ME3: variants seen among roughly 807,000 people sequenced by gnomAD.
The protein encoded by ME3 is NADP-dependent malic enzyme, mitochondrial.
Under a neutral mutation model 68.9 loss-of-function variants are expected in ME3, and 48 were observed. The ratio of observed to expected loss-of-function variants is 0.70; its 90% CI spans 0.55 to 0.89. The LOEUF (loss-of-function observed/expected upper bound fraction) is 0.89. Among genes scored for constraint, ME3 ranks in the 40% least tolerant of loss-of-function variants. ME3 has a pLI of 0.00. For synonymous variants in ME3, 320 were observed against 318.8 expected, an observed-to-expected ratio of 1.00 and a Z score of -0.04; for missense variants, 675 against 797.4, an observed-to-expected ratio of 0.85 and a Z score of 1.85.
At chr11:86,562,680 G>A (rs1318825587) in intron 2 of ME3, among the ~76,000 whole-genome samples, 1 of 151,854 alleles carries the variant, frequency 6.6e-6, no homozygotes. Flanking sequence ...TTAAATTTCA[G>A]CCTTTATTTT....
chr11:86,649,367 G>A (rs192538802), intron 2 of ME3, among the ~76,000 whole-genome samples: 60 of 152,190 alleles, frequency 3.9e-4, no homozygotes, highest in African/African-American at 1.2e-3. Context: ...ATACTGAATG[G>A]GCACAAGCTG....
intron 13 of ME3, among the ~76,000 whole-genome samples, chr11:86,443,191 G>A (rs1164609973): frequency 6.6e-6 from 1 of 152,192 alleles, no homozygotes; most frequent in Admixed American, 6.5e-5. Flanking sequence ...ATAAATCTGT[G>A]GCCTGCAAAG....
intron 2 of ME3, among the ~76,000 whole-genome samples, chr11:86,609,604 C>A (rs1942414329): frequency 6.6e-6 from 1 of 152,146 alleles, no homozygotes; most frequent in South Asian, 2.1e-4. Flanking sequence ...CCTAACCAAA[C>A]CCTAGTATAC....
At chr11:86,566,989 G>A (rs1957514377) in intron 2 of ME3, among the ~76,000 whole-genome samples, 2 of 151,902 alleles carry the variant, frequency 1.3e-5, no homozygotes, top group Admixed American at 6.6e-5. Context: ...AGGCTGAGGC[G>A]GGTGGATCAC....
intron 2 of ME3, among the ~76,000 whole-genome samples, chr11:86,658,867 T>C (rs1449747416): frequency 6.6e-6 from 1 of 152,208 alleles, no homozygotes; most frequent in Admixed American, 6.5e-5. Flanking sequence ...AGTCTGTTTC[T>C]AAAAATGGCT....
chr11:86,455,534 A>G (rs1180369179), intron 8 of ME3, among the ~76,000 whole-genome samples: 1 of 152,224 alleles, frequency 6.6e-6, no homozygotes, highest in Non-Finnish European at 1.5e-5. Flanking sequence ...GTATGTTATC[A>G]GTATCAACCT....
intron 2 of ME3, among the ~76,000 whole-genome samples, chr11:86,572,985 G>A (rs780537685): frequency 4.2e-4 from 64 of 152,326 alleles, no homozygotes; most frequent in Non-Finnish European, 4.6e-4. Context: ...ACTGGCATGA[G>A]ATGATATCTC....
chr11:86,641,284 A>G (rs903817228), intron 2 of ME3, among the ~76,000 whole-genome samples: 3 of 152,230 alleles, frequency 2.0e-5, no homozygotes, highest in African/African-American at 7.2e-5. Flanking sequence ...TTATACATCA[A>G]AAATCAAAGG....
chr11:86,653,071 A>G (rs2135444458), intron 2 of ME3, among the ~76,000 whole-genome samples: 1 of 152,344 alleles, frequency 6.6e-6, no homozygotes, highest in Middle Eastern at 3.4e-3. Flanking sequence ...TGCACCCAAT[A>G]CAGGAGCACC....
chr11:86,602,769 A>G (rs1445488031), intron 2 of ME3, among the ~76,000 whole-genome samples: 6 of 152,238 alleles, frequency 3.9e-5, no homozygotes, highest in Non-Finnish European at 8.8e-5. Context: ...CCAATGGAAC[A>G]GAACAGAGCA....
At chr11:86,488,259 C>A (rs531140588) in intron 6 of ME3, among the ~76,000 whole-genome samples, 1 of 152,290 alleles carries the variant, frequency 6.6e-6, no homozygotes, top group East Asian at 1.9e-4. Context: ...CGGTTGAGAA[C>A]CACTGTAGCT....
chr11:86,616,714 G>C (rs1942980686), intron 2 of ME3, among the ~76,000 whole-genome samples: 1 of 152,146 alleles, frequency 6.6e-6, no homozygotes, highest in Non-Finnish European at 1.5e-5. Context: ...GTGCCCTTTA[G>C]GACTGTCAAG....
intron 2 of ME3, among the ~76,000 whole-genome samples, chr11:86,647,262 G>A (rs1945079307): frequency 6.6e-6 from 1 of 152,098 alleles, no homozygotes; most frequent in African/African-American, 2.4e-5. Flanking sequence ...CTGGCAAATT[G>A]GATAAAGAAT....
intron 2 of ME3, among the ~76,000 whole-genome samples, chr11:86,649,779 A>G (rs1945278175): frequency 6.6e-6 from 1 of 152,326 alleles, no homozygotes; most frequent in Admixed American, 6.5e-5. Context: ...TTCAAGGAGA[A>G]CTACAAACCA....
At chr11:86,556,662 G>A in exon 4 of ME3, 4 of 1,614,156 alleles carry the variant, frequency 2.5e-6, no homozygotes, top group Non-Finnish European at 3.4e-6. Flanking sequence ...CGGTAGAAGA[G>A]CTTCTCGTTC....
chr11:86,459,916 A>T (rs530030442), intron 8 of ME3, among the ~76,000 whole-genome samples: 1 of 152,240 alleles, frequency 6.6e-6, no homozygotes, highest in African/African-American at 2.4e-5. Flanking sequence ...CTGATGAGCC[A>T]GTGGGGCTTT....
At chr11:86,437,697 ATCTTT>A (rs1418736240), downstream of ME3, among the ~76,000 whole-genome samples, 1 of 152,188 alleles carries the variant, frequency 6.6e-6, no homozygotes, top group Non-Finnish European at 1.5e-5. Context: ...ATTTCTAAGT[ATCTTT>A]TCTTTTTGAT....
At chr11:86,656,618 G>T (rs1438421316) in intron 2 of ME3, among the ~76,000 whole-genome samples, 1 of 150,708 alleles carries the variant, frequency 6.6e-6, no homozygotes, top group East Asian at 1.9e-4. Context: ...GGAGGGGGGA[G>T]AGATAGCATT....
intron 2 of ME3, among the ~76,000 whole-genome samples, chr11:86,646,632 G>A (rs1945035587): frequency 6.6e-6 from 1 of 152,158 alleles, no homozygotes; most frequent in Non-Finnish European, 1.5e-5. Context: ...CACACTTCAG[G>A]ATATTATCCA....
Sources: gnomAD v4.1 joint callset for allele counts (sites outside exome capture counted in the v4.1 genomes callset) on GRCh38, gnomAD v4.1.1 for gene constraint, MANE v1.5 for transcripts, NCBI Gene and HGNC (gene_info 2026-07-23, HGNC 2026-07-21) for gene names.